The following ACOXL variants were observed in gnomAD, a reference collection of about 807,000 sequenced individuals.
The protein encoded by ACOXL is acyl-coenzyme A oxidase-like protein.
A neutral mutation model predicts 71.9 loss-of-function variants in ACOXL; 70 were observed. The ratio of observed to expected loss-of-function variants is 0.97; its 90% CI spans 0.80 to 1.19. ACOXL has a LOEUF of 1.19. ACOXL is among the 50% of genes most tolerant of loss of function. ACOXL has a pLI of 0.00. For missense variants in ACOXL, 703 were observed against 736.3 expected (o/e 0.95, Z 0.52); for synonymous variants, 253 against 281.6 (o/e 0.90, Z 1.02).
At chr2:110,856,597 A>G (rs1199225013) in intron 10 of ACOXL, among the ~76,000 whole-genome samples, 1 of 152,244 alleles carries the variant, frequency 6.6e-6, no homozygotes, top group Non-Finnish European at 1.5e-5. Flanking sequence ...GAAATTGTGA[A>G]GAAGGAAAAA....
chr2:111,070,290 G>A (rs2067279263), intron 16 of ACOXL, among the ~76,000 whole-genome samples: 1 of 152,156 alleles, frequency 6.6e-6, no homozygotes, highest in African/African-American at 2.4e-5. Flanking sequence ...TAAAGAAAAT[G>A]TGGTCCATAT....
At chr2:110,895,728 A>C (rs1415379259) in intron 10 of ACOXL, among the ~76,000 whole-genome samples, 4 of 152,094 alleles carry the variant, frequency 2.6e-5, no homozygotes, top group African/African-American at 9.7e-5. Context: ...AAAACCATGG[A>C]GGCCAGAAAA....
intron 10 of ACOXL, among the ~76,000 whole-genome samples, chr2:110,855,691 A>T (rs561439708): frequency 6.6e-6 from 1 of 152,354 alleles, no homozygotes; most frequent in East Asian, 1.9e-4. Context: ...ACAATTTATT[A>T]GTTTTAAATT....
intron 8 of ACOXL, among the ~76,000 whole-genome samples, chr2:110,803,056 A>G (rs1227914290): frequency 6.6e-6 from 1 of 152,226 alleles, no homozygotes; most frequent in African/African-American, 2.4e-5. Context: ...AAAACTTAAA[A>G]TGGACCAAAT....
At chr2:111,009,470 C>T (rs1031167831) in intron 14 of ACOXL, among the ~76,000 whole-genome samples, 34 of 149,882 alleles carry the variant, frequency 2.3e-4, no homozygotes, top group African/African-American at 6.2e-4. Context: ...GCCAAGATCA[C>T]GCCACTGCAC....
At chr2:110,958,432 G>C (rs1037799411) in intron 12 of ACOXL, among the ~76,000 whole-genome samples, 3 of 152,186 alleles carry the variant, frequency 2.0e-5, no homozygotes, top group African/African-American at 4.8e-5. Flanking sequence ...GGGCCCTCAT[G>C]CTGCAATCAG....
Position 111,076,810 on chromosome 2 carries a change from G to A in ACOXL, c.1441-16055G>A, listed in dbSNP as rs182618104. Among the ~76,000 whole-genome samples the A allele has an allele frequency of 5.9e-5, 9 of 152,266 alleles. No homozygotes were observed. In the East Asian group the frequency reaches 1.2e-3, roughly 20 times the overall value. ...AAAATCAAGGTGTTGGCAGGATTGC[G>A]CTACCTTTGGAGGCTTCAGAGAATA... On this transcript the variant is annotated intron_variant, in intron 16 of 17. Transcript: ENST00000439055.
At chr2:110,927,704 C>T (rs1054645538) in intron 11 of ACOXL, among the ~76,000 whole-genome samples, 68 of 152,162 alleles carry the variant, frequency 4.5e-4, no homozygotes, top group Admixed American at 6.5e-5. Context: ...ACAGAAGTTG[C>T]GAATCCTCAA....
intron 12 of ACOXL, among the ~76,000 whole-genome samples, chr2:110,970,811 A>G (rs2062152549): frequency 6.6e-6 from 1 of 152,212 alleles, no homozygotes; most frequent in African/African-American, 2.4e-5. Context: ...CACATTATAA[A>G]GAAATCTAAC....
intron 16 of ACOXL, among the ~76,000 whole-genome samples, chr2:111,067,398 T>C (rs1163147044): frequency 1.3e-5 from 2 of 152,108 alleles, no homozygotes; most frequent in African/African-American, 4.8e-5. Flanking sequence ...TTTTTATAAG[T>C]GCTATGAAAA....
At chr2:110,898,938 A>G (rs868722234) in intron 10 of ACOXL, among the ~76,000 whole-genome samples, 10 of 152,224 alleles carry the variant, frequency 6.6e-5, no homozygotes, top group Non-Finnish European at 1.0e-4. Flanking sequence ...ATTTGTATAT[A>G]CCGGTGATGA....
chr2:110,860,264 C>G (rs1463516366), intron 10 of ACOXL, among the ~76,000 whole-genome samples: 3 of 152,196 alleles, frequency 2.0e-5, no homozygotes, highest in Admixed American at 6.5e-5. Flanking sequence ...GCACCTGCCA[C>G]CACACCTGGT....
intron 16 of ACOXL, among the ~76,000 whole-genome samples, chr2:111,086,619 T>C (rs1022490789): frequency 2.0e-5 from 3 of 152,110 alleles, no homozygotes; most frequent in Non-Finnish European, 4.4e-5. Flanking sequence ...TTGCATTTTA[T>C]TGAACATCTT....
At chr2:110,857,877 C>T (rs1436370705) in intron 10 of ACOXL, among the ~76,000 whole-genome samples, 1 of 152,042 alleles carries the variant, frequency 6.6e-6, no homozygotes, top group Non-Finnish European at 1.5e-5. Context: ...AGGCGTGTAC[C>T]ACCACGCCCA....
intron 15 of ACOXL, among the ~76,000 whole-genome samples, chr2:111,037,116 C>T (rs1298021214): frequency 1.3e-5 from 2 of 152,224 alleles, no homozygotes; most frequent in Non-Finnish European, 2.9e-5. Flanking sequence ...TCTCCTCTGA[C>T]ATCCTGCAGG....
rs1168712833 is a variant in ACOXL at position 110,943,123 on chromosome 2, GGAA to G, written c.1059+9486_1059+9488del. On this transcript the variant is annotated intron_variant, in intron 12 of 17. Transcript: ENST00000439055. ...AGGAAGGTAGGAAAGAGGAAGGAAA[GGAA>G]GAAGGAAGGAAAGAAGGAAGAAAGA... is the stretch of plus-strand genomic sequence containing the variant. 1.3e-4 allele frequency among the ~76,000 whole-genome samples: 18 copies of G among 133,476 alleles called. 1 individual carries two copies. Among genetic ancestry groups the G allele is most frequent in the South Asian group, 1.3e-3 (5 of 3,930 alleles). The allele number at this position is 133,476 out of a possible 152,430, so 87.6% of individuals were successfully genotyped here. A position where few individuals can be genotyped will look rare whatever the true frequency, so the allele number is the denominator to read the frequency against.
At chr2:110,901,457 A>C (rs1297343188) in intron 10 of ACOXL, among the ~76,000 whole-genome samples, 1 of 152,180 alleles carries the variant, frequency 6.6e-6, no homozygotes, top group African/African-American at 2.4e-5. Flanking sequence ...CATGTATTCT[A>C]TTCTGGGGTG....
intron 12 of ACOXL, among the ~76,000 whole-genome samples, chr2:110,940,678 G>A (rs780486279): frequency 5.3e-5 from 8 of 152,124 alleles, no homozygotes; most frequent in Non-Finnish European, 8.8e-5. Flanking sequence ...TGGATTCCAG[G>A]ATTCTTTCTC....
chr2:110,959,967 A>C (rs532199143), intron 12 of ACOXL, among the ~76,000 whole-genome samples: 1 of 152,312 alleles, frequency 6.6e-6, no homozygotes, highest in African/African-American at 2.4e-5. Flanking sequence ...AGTCAGATCC[A>C]GGGGCTGGAA....
Sources: allele counts gnomAD v4.1 joint callset (sites outside exome capture counted in the v4.1 genomes callset), GRCh38; gene constraint gnomAD v4.1.1; transcripts MANE v1.5; gene names NCBI Gene and HGNC (gene_info 2026-07-23, HGNC 2026-07-21).